SLC7A7: variants seen among roughly 807,000 people sequenced by gnomAD.
SLC7A7 encodes the protein solute carrier family 7 member 7, also known as Y+L amino acid transporter 1.
In SLC7A7, 39 loss-of-function variants were observed where a neutral mutation model predicts 47.9. The ratio of observed to expected loss-of-function variants is 0.81; its 90% CI spans 0.63 to 1.06. SLC7A7 has a LOEUF of 1.06. Among genes scored for constraint, SLC7A7 ranks in the 50% least tolerant of loss-of-function variants. The pLI is 0.00. For synonymous variants in SLC7A7, 234 were observed against 242.8 expected, an observed-to-expected ratio of 0.96 and a Z score of 0.34; for missense variants, 588 against 632.0, an observed-to-expected ratio of 0.93 and a Z score of 0.75.
intron 2 of SLC7A7, among the ~76,000 whole-genome samples, chr14:22,783,817 C>T (rs1219257546): frequency 6.6e-6 from 1 of 152,216 alleles, no homozygotes; most frequent in Non-Finnish European, 1.5e-5. Flanking sequence ...TAGCCCTGAT[C>T]TGCTCTCTGT....
intron 2 of SLC7A7, among the ~76,000 whole-genome samples, chr14:22,803,592 C>T (rs1159692456): frequency 2.0e-5 from 3 of 152,170 alleles, no homozygotes; most frequent in African/African-American, 7.2e-5. Context: ...ATCCCTGAGA[C>T]ATGTATGTGC....
rs764329070 is a variant in SLC7A7, at chr14:22,795,400, TTCTTTCTTTCTTTCTTTC to T, written c.500-15367_500-15350del. Among the ~76,000 whole-genome samples, 51 of 99,718 alleles carry T rather than the reference TTCTTTCTTTCTTTCTTTC, an allele frequency of 5.1e-4. 2 individuals are homozygous for T. Among genetic ancestry groups the T allele is most frequent in the South Asian group, 4.3e-3 (12 of 2,790 alleles). The allele number at this position is 99,718 out of a possible 152,430, so 65.4% of individuals were successfully genotyped here. A position where few individuals can be genotyped will look rare whatever the true frequency, so the allele number is the denominator to read the frequency against. ...TTGCTTGCTTGCTTTCTTTCTTTCT[TTCTTTCTTTCTTTCTTTC>T]TTTCTTTCTTTCTTTCTTTCTTTCT... On this transcript the variant is annotated intron_variant, in intron 2 of 9. Transcript: ENST00000674313.
At chr14:22,814,773 G>A (rs1383621648) in intron 1 of SLC7A7, 3 of 156,510 alleles carry the variant, frequency 1.9e-5, no homozygotes, top group African/African-American at 7.2e-5. Context: ...CAAAACTAAA[G>A]GCTTCAGAAA....
intron 2 of SLC7A7, among the ~76,000 whole-genome samples, chr14:22,792,389 C>G (rs1032368691): frequency 6.6e-5 from 10 of 151,722 alleles, no homozygotes; most frequent in Admixed American, 4.6e-4. Context: ...ATAGCAAGAC[C>G]CTTTCTCTAC....
chr14:22,816,872 A>G (rs1023747459), upstream of SLC7A7, among the ~76,000 whole-genome samples: 3 of 152,058 alleles, frequency 2.0e-5, no homozygotes, highest in African/African-American at 4.8e-5. Flanking sequence ...GAGCGTTCCC[A>G]GAGATCATGC....
At position 22,813,308 on chromosome 14, in the gene SLC7A7, C is replaced by T. The variant is rs142956369; in HGVS notation, c.91G>A (p.Val31Met). The T allele has an allele frequency of 6.2e-7, 1 of 1,614,212 alleles. No individual in the cohort carries two copies. The highest frequency in any genetic ancestry group is 8.5e-7 in the Non-Finnish European group (1 of 1,180,042). The change falls in exon 2 of 10, where the codon GTG becomes ATG. Residue 31 changes from valine to methionine, a missense_variant. Physicochemically the swap from Val to Met is conservative, Grantham distance 21. Coordinates refer to ENST00000674313, the MANE Select transcript of SLC7A7 (RefSeq NM_003982.4). ...AGTGAGATCTCCTTCTTCAGCTTCA[C>T]CTGCTCCGGCCCTGGGCTGGCCCCA... is the stretch of plus-strand genomic sequence containing the variant. ...GDGASPGPEQ[V>M]KLKKEISLLN...
chr14:22,812,943 G>GA lies in SLC7A7; in HGVS notation c.455dup (p.Ala153ArgfsTer21). 1 of 1,613,798 alleles carries GA rather than the reference G, an allele frequency of 6.2e-7. No homozygotes were observed. The highest frequency in any genetic ancestry group is 8.5e-7 in the Non-Finnish European group (1 of 1,179,982). ...GCAGGCGGCTGGCAGCATAAGGGGC[G>GA]AAGCAGCTCGGGAAGAGAGGCTGTA... On this transcript the variant is annotated frameshift_variant, in exon 2 of 10. Transcript: ENST00000674313. LOFTEE classifies it high-confidence loss of function.
At chr14:22,800,075 G>A (rs563993232) in intron 2 of SLC7A7, among the ~76,000 whole-genome samples, 27 of 152,264 alleles carry the variant, frequency 1.8e-4, no homozygotes, top group African/African-American at 5.8e-4. Flanking sequence ...CCCAAAACAT[G>A]ACTCTAGTCC....
chr14:22,786,363 C>G (rs939505494), intron 2 of SLC7A7, among the ~76,000 whole-genome samples: 3 of 152,096 alleles, frequency 2.0e-5, no homozygotes, highest in Non-Finnish European at 4.4e-5. Context: ...AGTCTTTACT[C>G]CTTCAGGCTA....
At chr14:22,801,652 C>T (rs1594972484) in intron 2 of SLC7A7, among the ~76,000 whole-genome samples, 1 of 152,226 alleles carries the variant, frequency 6.6e-6, no homozygotes, top group Middle Eastern at 3.4e-3. Flanking sequence ...GTGGTGCATG[C>T]CTGTAGTCCC....
chr14:22,792,691 T>C (rs1040253525), intron 2 of SLC7A7, among the ~76,000 whole-genome samples: 3 of 151,930 alleles, frequency 2.0e-5, no homozygotes, highest in Non-Finnish European at 4.4e-5. Flanking sequence ...ACCCCGTCTC[T>C]ACTAAAAATA....
chr14:22,813,285 T>C lies in SLC7A7; in HGVS notation c.114A>G (p.Ser38=), dbSNP rs2138663780. ...CAATCAGGCACACGCCGTTAAGCAGTGAGATCTCCTTCTTCAGCTTCACCT... is the reference window on the plus strand; with the variant it reads ...CAATCAGGCACACGCCGTTAAGCAGCGAGATCTCCTTCTTCAGCTTCACCT... ...PEQVKLKKEI[S]LLNGVCLIVG... is the part of the protein sequence containing the mutation. Residue 38 remains serine (S), a synonymous_variant, in exon 2 of 10, where the codon TCA becomes TCG. Coordinates refer to ENST00000674313, the MANE Select transcript of SLC7A7 (RefSeq NM_003982.4). 6.2e-7 allele frequency: 1 copy of C among 1,614,100 alleles called. No individual in the cohort carries two copies.
At chr14:22,778,717 T>C in intron 4 of SLC7A7, 76 bp downstream of exon 4, 1 of 1,509,808 alleles carries the variant, frequency 6.6e-7, no homozygotes. Context: ...GGTTGTGGTA[T>C]GCTGTCTGGC....
intron 2 of SLC7A7, among the ~76,000 whole-genome samples, chr14:22,806,937 G>A (rs1054130692): frequency 7.4e-5 from 10 of 135,164 alleles, no homozygotes; most frequent in African/African-American, 2.8e-4. Flanking sequence ...TCGCTCTGTC[G>A]CCCAGGCTAG....
At chr14:22,817,133 T>A (rs112363517), upstream of SLC7A7, 4,780 of 117,714 alleles carry the variant, frequency 0.041, 231 homozygotes, top group African/African-American at 0.14. Context: ...CCTTTTATTT[T>A]TTTTTTTTTT....
At chr14:22,782,196 G>C (rs1015702676) in intron 2 of SLC7A7, among the ~76,000 whole-genome samples, 1 of 151,902 alleles carries the variant, frequency 6.6e-6, no homozygotes, top group Non-Finnish European at 1.5e-5. Flanking sequence ...TCTGCCTCCC[G>C]GGTTCAAGCC....
intron 2 of SLC7A7, among the ~76,000 whole-genome samples, chr14:22,808,580 G>C (rs2039250982): frequency 6.6e-6 from 1 of 152,096 alleles, no homozygotes; most frequent in Non-Finnish European, 1.5e-5. Flanking sequence ...GCCAAGGCAG[G>C]CAGATAGCTT....
At chr14:22,782,730 G>A (rs990793843) in intron 2 of SLC7A7, among the ~76,000 whole-genome samples, 2 of 151,760 alleles carry the variant, frequency 1.3e-5, no homozygotes, top group African/African-American at 4.8e-5. Flanking sequence ...CCAAAATGCT[G>A]AGATTACAGG....
intron 5 of SLC7A7, 29 bp downstream of exon 5, chr14:22,776,166 T>G (rs182656295): frequency 1.2e-6 from 2 of 1,613,974 alleles, no homozygotes; most frequent in Middle Eastern, 1.6e-4. Flanking sequence ...CAAGACACCC[T>G]CAACCTTCTG....
Sources: gnomAD v4.1 joint callset for allele counts (sites outside exome capture counted in the v4.1 genomes callset) on GRCh38, gnomAD v4.1.1 for gene constraint, MANE v1.5 for transcripts, NCBI Gene and HGNC (gene_info 2026-07-23, HGNC 2026-07-21) for gene names.